Variants in CAPN13 observed in about 807,000 individuals in gnomAD.
CAPN13 encodes the protein calpain-13.
In CAPN13, 90 loss-of-function variants were observed where a neutral mutation model predicts 98.4. The observed-to-expected ratio is 0.92, with a 90% CI of 0.77 to 1.09. CAPN13 has a LOEUF of 1.09. CAPN13 is among the 50% of genes least tolerant of loss of function. CAPN13 has a pLI of 0.00. For synonymous variants in CAPN13, 330 were observed against 305.5 expected (o/e 1.08, Z -0.84); for missense variants, 887 against 841.3 (o/e 1.05, Z -0.67).
chr2:30,758,794 T>TCCCTCCCTCCCTTC (rs1672612768), intron 7 of CAPN13, among the ~76,000 whole-genome samples: 7 of 71,896 alleles, frequency 9.7e-5, no homozygotes, highest in Non-Finnish European at 1.8e-4. Context: ...CCCTTTCCTT[T>TCCCTCCCTCCCTTC]CCTTCCTCCC....
chr2:30,781,922 A>G (rs1674000241), intron 2 of CAPN13, among the ~76,000 whole-genome samples: 1 of 152,208 alleles, frequency 6.6e-6, no homozygotes, highest in African/African-American at 2.4e-5. Flanking sequence ...GTATATATTA[A>G]TGATTCTTTT....
chr2:30,758,811 C>CCCTTTCCTTCCTCCCTCCCTT (rs1572829694), intron 7 of CAPN13, among the ~76,000 whole-genome samples: 3 of 92,734 alleles, frequency 3.2e-5, no homozygotes, highest in African/African-American at 1.6e-4. Context: ...TCCCTCCCTT[C>CCCTTTCCTTCCTCCCTCCCTT]CCTTCCTCCC....
At chr2:30,733,573 A>C (rs563523610) in intron 19 of CAPN13, among the ~76,000 whole-genome samples, 3 of 152,178 alleles carry the variant, frequency 2.0e-5, no homozygotes, top group Non-Finnish European at 4.4e-5. Context: ...CAAATTCCTG[A>C]GCCCCACCCA....
At chr2:30,798,659 G>A (rs986754979) in intron 1 of CAPN13, among the ~76,000 whole-genome samples, 8 of 152,160 alleles carry the variant, frequency 5.3e-5, no homozygotes, top group Non-Finnish European at 2.9e-5. Context: ...TCTCCTGGCT[G>A]GTGTTTTTCA....
At chr2:30,775,902 A>G in intron 4 of CAPN13, 28 bp downstream of exon 4, 1 of 1,537,198 alleles carries the variant, frequency 6.5e-7, no homozygotes, top group Non-Finnish European at 8.9e-7. Context: ...ACCCCATCAT[A>G]TAATGAGCGC....
Position 30,764,027 on chromosome 2 carries a change from A to G in CAPN13, c.699+105T>C, listed in dbSNP as rs561346615. 9.5e-6 allele frequency: 11 copies of G among 1,155,030 alleles called. 1 individual carries two copies. The East Asian group carries it at 2.8e-4, about 30-fold the overall frequency. The allele number at this position is 1,155,030 out of a possible 1,614,324, so 71.5% of individuals were successfully genotyped here. ...TAAAGCACGCTATCAGTGTTCGTTA[A>G]TGGTGGCAGCTTGCCACATCCTCCT... is the stretch of plus-strand genomic sequence containing the variant. On this transcript the variant is annotated intron_variant, in intron 6 of 22. Coordinates refer to ENST00000295055, the MANE Select transcript of CAPN13 (RefSeq NM_144575.3).
rs539423491 is a variant in CAPN13, at chr2:30,800,094, A to G, written c.-33+7208T>C. On this transcript the variant is annotated intron_variant, in intron 1 of 22. Transcript: ENST00000295055. Reference sequence around the variant, plus strand: ...ATCTCAAAAAAAGAAAGAAAGAAAGAAAAGAAAGAAAGAAAAGAAAGAAAA... The same window carrying G: ...ATCTCAAAAAAAGAAAGAAAGAAAGGAAAGAAAGAAAGAAAAGAAAGAAAA... Among the ~76,000 whole-genome samples the G allele has an allele frequency of 6.4e-5, 9 of 140,178 alleles. No homozygotes were observed. In the Admixed American group the frequency reaches 6.4e-4, roughly 10 times the overall value. The allele number at this position is 140,178 out of a possible 152,430, so 92.0% of individuals were successfully genotyped here.
intron 18 of CAPN13, among the ~76,000 whole-genome samples, chr2:30,735,185 A>G (rs1036692313): frequency 2.0e-5 from 3 of 152,192 alleles, no homozygotes; most frequent in African/African-American, 7.2e-5. Flanking sequence ...TTCTACCTCT[A>G]TCCAATTCTC....
chr2:30,746,297 A>C (rs1327641639), intron 11 of CAPN13: 1 of 154,266 alleles, frequency 6.5e-6, no homozygotes, highest in Non-Finnish European at 1.4e-5. Flanking sequence ...ACCATCACTT[A>C]GAGTCTTCAA....
chr2:30,793,822 G>C (rs1294794780), intron 1 of CAPN13, among the ~76,000 whole-genome samples: 3 of 151,592 alleles, frequency 2.0e-5, no homozygotes, highest in Non-Finnish European at 3.0e-5. Flanking sequence ...AATTCAATGG[G>C]GGAAAGAAAA....
Position 30,775,961 on chromosome 2 carries a change from G to A in CAPN13, c.356C>T (p.Ser119Leu). ...RQKILMVQSF[S>L]HQYAGIFRFR... ...ACGGAAAATGCCAGCATACTGGTGTGAAAAGCTTTGGACCATCAGGATCTT... is the reference window on the plus strand; with the variant it reads ...ACGGAAAATGCCAGCATACTGGTGTAAAAAGCTTTGGACCATCAGGATCTT... Residue 119 changes from serine (S) to leucine (L), a missense_variant, in exon 4 of 23, where the codon TCA (serine) becomes TTA (leucine). Coordinates refer to ENST00000295055, the MANE Select transcript of CAPN13 (RefSeq NM_144575.3). The A allele has an allele frequency of 6.2e-7, 1 of 1,611,730 alleles. No individual in the cohort carries two copies. The highest frequency in any genetic ancestry group is 8.5e-7 in the Non-Finnish European group (1 of 1,178,760).
At chr2:30,780,603 G>A (rs962336417) in intron 2 of CAPN13, among the ~76,000 whole-genome samples, 15 of 152,178 alleles carry the variant, frequency 9.9e-5, no homozygotes, top group African/African-American at 2.4e-4. Context: ...TTAATGTGAT[G>A]AAAATTCAAT....
In CAPN13 at chr2:30,775,913, T is replaced by G. The variant is rs755135253; in HGVS notation, c.387+17A>C. The G allele has an allele frequency of 6.3e-7, 1 of 1,591,194 alleles. No homozygotes were observed. The highest frequency in any genetic ancestry group is 8.6e-7 in the Non-Finnish European group (1 of 1,163,576). On this transcript the variant is annotated intron_variant, in intron 4 of 22. Coordinates refer to ENST00000295055, the MANE Select transcript of CAPN13 (RefSeq NM_144575.3). ...GAGAACCCCATCATATAATGAGCGCTGCAAGGGCACACGTACCCGGAAACG... is the reference window on the plus strand; with the variant it reads ...GAGAACCCCATCATATAATGAGCGCGGCAAGGGCACACGTACCCGGAAACG...
At chr2:30,786,730 G>A (rs1487935466) in intron 2 of CAPN13, among the ~76,000 whole-genome samples, 2 of 151,988 alleles carry the variant, frequency 1.3e-5, no homozygotes, top group African/African-American at 4.8e-5. Flanking sequence ...ATTCTAACAG[G>A]GAAGGAAAAA....
intron 2 of CAPN13, among the ~76,000 whole-genome samples, chr2:30,786,534 A>G (rs56136454): frequency 0.11 from 16,309 of 152,112 alleles, 2,663 homozygotes; most frequent in African/African-American, 0.36. Flanking sequence ...GGGGTTGTGG[A>G]GTCAGGGAGG....
intron 8 of CAPN13, 57 bp downstream of exon 8, chr2:30,757,989 G>A: frequency 1.5e-6 from 2 of 1,341,986 alleles, no homozygotes; most frequent in Non-Finnish European, 2.0e-6. Flanking sequence ...TGGGCAGGAG[G>A]CTCTACCGAC....
In CAPN13 at chr2:30,728,327, TTATATCTCAA is replaced by T. The variant is rs1194618475; in HGVS notation, c.*30+2393_*30+2402del. 7.9e-5 allele frequency among the ~76,000 whole-genome samples: 12 copies of T among 152,196 alleles called. No individual in the cohort carries two copies. The East Asian group carries it at 2.1e-3, about 27-fold the overall frequency. ...ATGAGCAAACTCTACAATGTGTGAA[TTATATCTCAA>T]TATATTTCTTTAAAAGAAGATGGGC... On this transcript the variant is annotated intron_variant, in intron 22 of 22. Coordinates refer to ENST00000295055, the MANE Select transcript of CAPN13 (RefSeq NM_144575.3).
At chr2:30,806,871 T>C (rs1879281) in intron 1 of CAPN13, among the ~76,000 whole-genome samples, 2,001 of 152,316 alleles carry the variant, frequency 0.013, 49 homozygotes, top group African/African-American at 0.045. Context: ...GGTCCCATTC[T>C]TCCCTTTAGC....
intron 22 of CAPN13, chr2:30,729,929 G>A (rs1184977389): frequency 6.6e-6 from 1 of 152,206 alleles, no homozygotes; most frequent in Non-Finnish European, 1.5e-5. Context: ...GACAGGCTTT[G>A]GGCAAAATAG....
Sources: gnomAD v4.1 joint callset for allele counts (sites outside exome capture counted in the v4.1 genomes callset) on GRCh38, gnomAD v4.1.1 for gene constraint, MANE v1.5 for transcripts, NCBI Gene and HGNC (gene_info 2026-07-23, HGNC 2026-07-21) for gene names.